Variants in VIP observed in about 807,000 individuals in gnomAD.
The protein encoded by VIP is VIP peptides.
A neutral mutation model predicts 20.1 loss-of-function variants in VIP; 18 were observed. That is an observed-to-expected ratio of 0.90 (90% CI 0.62 to 1.33). The LOEUF (loss-of-function observed/expected upper bound fraction) is 1.33. Ranked by LOEUF, VIP falls within the 40% of genes most tolerant of loss-of-function variation. The pLI is 0.00. For missense variants in VIP, 209 were observed against 199.4 expected, an observed-to-expected ratio of 1.05 and a Z score of -0.29; for synonymous variants, 70 against 68.1, an observed-to-expected ratio of 1.03 and a Z score of -0.14.
rs912164137 is a variant in VIP at position 152,756,329 on chromosome 6, C to T, written c.467+64C>T. 20 of 1,535,092 alleles carry T rather than the reference C, an allele frequency of 1.3e-5. No homozygotes were observed. The African/African-American group carries it at 2.6e-4, about 20-fold the overall frequency. ...ACTGACTTTCAAAATAGAAGCTGCA[C>T]ATGGAGACCTCTCTATCTCACTTAT... On this transcript the variant is annotated intron_variant, in intron 5 of 6. Coordinates refer to ENST00000367244, the MANE Select transcript of VIP (RefSeq NM_003381.4).
At chr6:152,757,809 T>G (rs2099730655) in intron 6 of VIP, among the ~76,000 whole-genome samples, 1 of 151,984 alleles carries the variant, frequency 6.6e-6, no homozygotes, top group African/African-American at 2.4e-5. Flanking sequence ...TGGATAGACT[T>G]TTTTTCTTTG....
At chr6:152,754,605 C>A (rs2099730126) in intron 3 of VIP, among the ~76,000 whole-genome samples, 2 of 151,886 alleles carry the variant, frequency 1.3e-5, no homozygotes, top group Non-Finnish European at 2.9e-5. Context: ...GGAAGAGTTG[C>A]CAAGGAGTTT....
Position 152,752,229 on chromosome 6 carries a change from G to A in VIP, c.52G>A (p.Val18Met), listed in dbSNP as rs760172079. 1 of 1,613,594 alleles carries A rather than the reference G, an allele frequency of 6.2e-7. No individual in the cohort carries two copies. Among genetic ancestry groups the A allele is most frequent in the Middle Eastern group, 1.7e-4 (1 of 6,058 alleles). The change falls in exon 2 of 7, where the codon GTG becomes ATG. Residue 18 changes from valine to methionine, a missense_variant. Physicochemically the swap from Val to Met is conservative, Grantham distance 21. Transcript: ENST00000367244. ...QLLVLLTLLS[V>M]LFSQTSAWPL... ...CCTTGTGCTCCTGACTCTTCTCAGT[G>A]TGCTCTTCTCACAGACTTCGGCATG... is the stretch of plus-strand genomic sequence containing the variant.
chr6:152,752,774 A>G (rs1190222465), intron 2 of VIP, among the ~76,000 whole-genome samples: 4 of 152,106 alleles, frequency 2.6e-5, no homozygotes, highest in African/African-American at 9.7e-5. Flanking sequence ...CAATTTGCCA[A>G]TATTAAATAT....
In VIP at chr6:152,757,204, C is replaced by T. The variant is rs1391943579; in HGVS notation, c.*43+20C>T. ...CCAGTGGTGGGTATATTCGTGCATTCCTTCTGTATTCTTATGGCTGTCTCT... is the reference window on the plus strand; with the variant it reads ...CCAGTGGTGGGTATATTCGTGCATTTCTTCTGTATTCTTATGGCTGTCTCT... On this transcript the variant is annotated intron_variant, in intron 6 of 6. Transcript: ENST00000367244. 1 of 1,491,860 alleles carries T rather than the reference C, an allele frequency of 6.7e-7. No individual in the cohort carries two copies. Among genetic ancestry groups the T allele is most frequent in the Admixed American group, 1.7e-5 (1 of 58,080 alleles). 92.4% of individuals were successfully genotyped at this position (1,491,860 alleles called of 1,614,324 possible).
intron 6 of VIP, among the ~76,000 whole-genome samples, chr6:152,758,277 G>T (rs1447101965): frequency 1.3e-5 from 2 of 151,944 alleles, no homozygotes; most frequent in Non-Finnish European, 2.9e-5. Flanking sequence ...CAGTCATCAA[G>T]AGTGGACATG....
chr6:152,754,330 A>G (rs1203710883), intron 3 of VIP, 42 bp downstream of exon 3: 14 of 1,557,464 alleles, frequency 9.0e-6, no homozygotes, highest in Non-Finnish European at 1.2e-5. Context: ...GTTTTATTTT[A>G]GAAAATGTGT....
At chr6:152,755,430 G>GA in intron 4 of VIP, 57 bp downstream of exon 4, 1 of 1,081,334 alleles carries the variant, frequency 9.2e-7, no homozygotes, top group Non-Finnish European at 1.3e-6. Flanking sequence ...TCTGAATATT[G>GA]TATTTTCACT....
intron 2 of VIP, among the ~76,000 whole-genome samples, chr6:152,753,547 C>T (rs771890170): frequency 1.8e-4 from 28 of 152,152 alleles, no homozygotes; most frequent in Middle Eastern, 3.4e-3. Context: ...AAGAAGGCCC[C>T]ATAAAACTTA....
At chr6:152,757,444 T>C (rs2099730602) in intron 6 of VIP, among the ~76,000 whole-genome samples, 2 of 151,910 alleles carry the variant, frequency 1.3e-5, no homozygotes, top group Non-Finnish European at 2.9e-5. Flanking sequence ...CCTGGCTTAC[T>C]TGGGGTTATT....
At chr6:152,755,545 G>A (rs534085252) in intron 4 of VIP, among the ~76,000 whole-genome samples, 172 bp downstream of exon 4, 2 of 151,894 alleles carry the variant, frequency 1.3e-5, no homozygotes, top group South Asian at 4.2e-4. Flanking sequence ...TCAAGCCCAT[G>A]GACTAAGACT....
At position 152,759,081 on chromosome 6, in the gene VIP, A is replaced by G. The variant is rs1193555880; in HGVS notation, c.*215A>G. 3 of 152,472 alleles carry G rather than the reference A, an allele frequency of 2.0e-5. No homozygotes were observed. The highest frequency in any genetic ancestry group is 4.4e-5 in the Non-Finnish European group (3 of 67,960). The allele number at this position is 152,472 out of a possible 1,614,324, so 9.4% of individuals were successfully genotyped here. A position where few individuals can be genotyped will look rare whatever the true frequency, so the allele number is the denominator to read the frequency against. On this transcript the variant is annotated 3_prime_UTR_variant, in exon 7 of 7. Coordinates refer to ENST00000367244, the MANE Select transcript of VIP (RefSeq NM_003381.4). Reference sequence around the variant, plus strand: ...GTTTACATTGTAAATAGTATTTGAGAGTTCTAAATTTTGTCTTTAACTCAT... The same window carrying G: ...GTTTACATTGTAAATAGTATTTGAGGGTTCTAAATTTTGTCTTTAACTCAT...
At chr6:152,758,124 AATAAAACTTTATTC>A (rs2099730704) in intron 6 of VIP, among the ~76,000 whole-genome samples, 1 of 152,010 alleles carries the variant, frequency 6.6e-6, no homozygotes, top group African/African-American at 2.4e-5. Flanking sequence ...ACTGTGTTCC[AATAAAACTTTATTC>A]ATAAAACCTG....
At chr6:152,754,908 G>A (rs2099730186) in intron 3 of VIP, among the ~76,000 whole-genome samples, 2 of 151,920 alleles carry the variant, frequency 1.3e-5, no homozygotes, top group East Asian at 3.9e-4. Context: ...ATTCAGTGGG[G>A]CAGACACAAA....
intron 5 of VIP, 137 bp downstream of exon 5, chr6:152,756,402 G>C: frequency 9.8e-7 from 1 of 1,016,058 alleles, no homozygotes; most frequent in Non-Finnish European, 1.4e-6. Flanking sequence ...GCTGACATTA[G>C]ACTACCCCGC....
rs74760293 is a variant in VIP, at chr6:152,756,106, T to C, written c.336-28T>C. ...ATTTATCATTTCTTGTGAAAACTCT[T>C]TGATTTCCTTTTCCTCATGTTCCTT... is the stretch of plus-strand genomic sequence containing the variant. On this transcript the variant is annotated intron_variant, in intron 4 of 6. Transcript: ENST00000367244. 14,555 of 1,497,072 alleles carry C rather than the reference T, an allele frequency of 9.7e-3. 1,255 individuals carry two copies. In the African/African-American group the frequency reaches 0.18, roughly 19 times the overall value. 92.7% of individuals were successfully genotyped at this position (1,497,072 alleles called of 1,614,324 possible).
intron 4 of VIP, among the ~76,000 whole-genome samples, 167 bp from the exon 5 acceptor site, chr6:152,755,967 C>T (rs183512828): frequency 3.9e-5 from 6 of 152,042 alleles, no homozygotes; most frequent in Admixed American, 3.3e-4. Context: ...TGATTCCTTG[C>T]TTTCCTTCAT....
At chr6:152,751,762 CTTATA>C (rs1463628401) in intron 1 of VIP, among the ~76,000 whole-genome samples, 1 of 152,096 alleles carries the variant, frequency 6.6e-6, no homozygotes, top group African/African-American at 2.4e-5. Context: ...ATACTCTAGT[CTTATA>C]TTAGTCAGAT....
intron 6 of VIP, among the ~76,000 whole-genome samples, chr6:152,758,550 C>T (rs563399988): frequency 6.6e-6 from 1 of 152,152 alleles, no homozygotes; most frequent in Non-Finnish European, 1.5e-5. Context: ...TCACACTGTG[C>T]TTTGTAAATG....
Sources: allele counts gnomAD v4.1 joint callset (sites outside exome capture counted in the v4.1 genomes callset), GRCh38; gene constraint gnomAD v4.1.1; transcripts MANE v1.5; gene names NCBI Gene and HGNC (gene_info 2026-07-23, HGNC 2026-07-21).